Variants in CLEC16A observed in about 807,000 individuals in gnomAD.
CLEC16A encodes the protein C-type lectin domain containing 16A.
A neutral mutation model predicts 109.5 loss-of-function variants in CLEC16A; 51 were observed. The observed-to-expected ratio is 0.47, with a 90% CI of 0.37 to 0.59. The LOEUF (loss-of-function observed/expected upper bound fraction) is 0.59. Among genes scored for constraint, CLEC16A ranks in the 20% least tolerant of loss-of-function variants. CLEC16A has a pLI of 0.00. For synonymous variants in CLEC16A, 673 were observed against 564.2 expected (o/e 1.19, Z -2.73); for missense variants, 1,339 against 1,394.0 (o/e 0.96, Z 0.63).
intron 22 of CLEC16A, among the ~76,000 whole-genome samples, chr16:11,155,970 A>C (rs953319120): frequency 2.0e-5 from 3 of 152,182 alleles, no homozygotes; most frequent in Admixed American, 6.5e-5. Context: ...GGAGCAGGCC[A>C]AACATGTCAG....
intron 19 of CLEC16A, among the ~76,000 whole-genome samples, chr16:11,092,562 C>A (rs2050374839): frequency 6.6e-6 from 1 of 152,158 alleles, no homozygotes; most frequent in Non-Finnish European, 1.5e-5. Flanking sequence ...ACAAAAAAGC[C>A]CATGCTTAAA....
At chr16:11,077,537 G>A (rs1296237635) in intron 19 of CLEC16A, among the ~76,000 whole-genome samples, 1 of 150,248 alleles carries the variant, frequency 6.7e-6, no homozygotes, top group African/African-American at 2.5e-5. Flanking sequence ...TGTGCCTGTA[G>A]TTTCAGCTAC....
At chr16:11,127,910 T>C (rs2052942265) in intron 22 of CLEC16A, among the ~76,000 whole-genome samples, 1 of 152,170 alleles carries the variant, frequency 6.6e-6, no homozygotes, top group Non-Finnish European at 1.5e-5. Flanking sequence ...GAGAGACTGA[T>C]TGTGGCACCG....
intron 10 of CLEC16A, among the ~76,000 whole-genome samples, chr16:10,993,315 G>T (rs894900179): frequency 6.6e-6 from 1 of 152,122 alleles, no homozygotes; most frequent in Non-Finnish European, 1.5e-5. Flanking sequence ...GGAGGCGGAG[G>T]TTGCAGTGAG....
chr16:11,049,582 G>A (rs1354722631), intron 17 of CLEC16A, among the ~76,000 whole-genome samples: 1 of 152,202 alleles, frequency 6.6e-6, no homozygotes. Flanking sequence ...CCCTTGCTCT[G>A]TATCTGAAAA....
At chr16:11,053,807 C>T (rs1044069698) in intron 18 of CLEC16A, among the ~76,000 whole-genome samples, 4 of 152,238 alleles carry the variant, frequency 2.6e-5, no homozygotes, top group African/African-American at 7.2e-5. Flanking sequence ...TGATCCACTG[C>T]TTCCCACACT....
chr16:10,989,926 T>C (rs1263422135), intron 10 of CLEC16A, among the ~76,000 whole-genome samples: 1 of 152,204 alleles, frequency 6.6e-6, no homozygotes, highest in Non-Finnish European at 1.5e-5. Flanking sequence ...GTCTCCCGTG[T>C]GCTGAATGCA....
intron 11 of CLEC16A, 117 bp downstream of exon 11, chr16:11,003,422 T>G (rs969318354): frequency 5.2e-6 from 4 of 763,656 alleles, no homozygotes; most frequent in Non-Finnish European, 8.6e-6. Flanking sequence ...CAGCCAGTGA[T>G]TCGATTCCTA....
chr16:11,022,337 CTTTTTTTT>C lies in CLEC16A; in HGVS notation c.1436+2029_1436+2036del, dbSNP rs36094157. 3.5e-4 allele frequency among the ~76,000 whole-genome samples: 33 copies of C among 93,472 alleles called. 1 individual carries two copies. The highest frequency in any genetic ancestry group is 4.8e-4 in the Non-Finnish European group (24 of 50,228). 61.3% of individuals were successfully genotyped at this position (93,472 alleles called of 152,430 possible). A position where few individuals can be genotyped will look rare whatever the true frequency, so the allele number is the denominator to read the frequency against. Reference sequence around the variant, plus strand: ...GGCCAGAGTCACCATGTCTGGCTACCTTTTTTTTTTTTTTTTTTTTTTTTGCAAAGACA... The same window carrying C: ...GGCCAGAGTCACCATGTCTGGCTACCTTTTTTTTTTTTTTTTGCAAAGACA... On this transcript the variant is annotated intron_variant, in intron 12 of 23. Coordinates refer to ENST00000409790, the MANE Select transcript of CLEC16A (RefSeq NM_015226.3).
At chr16:11,056,908 G>A (rs1352020783) in intron 18 of CLEC16A, 1 of 152,050 alleles carries the variant, frequency 6.6e-6, no homozygotes, top group Non-Finnish European at 1.5e-5. Context: ...AGTTTTTCAT[G>A]TTGTCACAGT....
intron 13 of CLEC16A, chr16:11,035,966 G>A (rs1318632193): frequency 2.6e-5 from 4 of 152,356 alleles, no homozygotes; most frequent in African/African-American, 9.6e-5. Context: ...TTTGGGGAAA[G>A]AAGGGAGATG....
intron 19 of CLEC16A, among the ~76,000 whole-genome samples, chr16:11,094,730 C>T (rs878966322): frequency 1.3e-5 from 2 of 152,184 alleles, no homozygotes; most frequent in African/African-American, 4.8e-5. Flanking sequence ...CTGCCTCTGC[C>T]GTGTAGTTTC....
chr16:11,033,635 C>G (rs1447299066), intron 13 of CLEC16A, among the ~76,000 whole-genome samples: 1 of 152,106 alleles, frequency 6.6e-6, no homozygotes, highest in Admixed American at 6.5e-5. Context: ...CAGATCCTTA[C>G]CCCCCAAATC....
At chr16:11,027,254 T>C in intron 13 of CLEC16A, 20 of 1,544,920 alleles carry the variant, frequency 1.3e-5, no homozygotes, top group Non-Finnish European at 1.7e-5. Context: ...TGAAACCTCA[T>C]GCCGTGGAAT....
intron 22 of CLEC16A, among the ~76,000 whole-genome samples, chr16:11,156,276 A>C (rs2054513259): frequency 6.6e-6 from 1 of 151,326 alleles, no homozygotes; most frequent in African/African-American, 2.4e-5. Context: ...AGGCTGAGGC[A>C]GGAGAATCAC....
chr16:11,022,681 T>C (rs1046278372), intron 12 of CLEC16A, among the ~76,000 whole-genome samples: 28 of 152,058 alleles, frequency 1.8e-4, no homozygotes, highest in Middle Eastern at 6.8e-3. Flanking sequence ...GGGCAGATCA[T>C]GAGGTCAGGA....
chr16:11,129,224 A>G (rs1277904682), intron 22 of CLEC16A, among the ~76,000 whole-genome samples: 1 of 152,268 alleles, frequency 6.6e-6, no homozygotes, highest in African/African-American at 2.4e-5. Context: ...GATTATATTT[A>G]TAGATATTTA....
intron 22 of CLEC16A, among the ~76,000 whole-genome samples, chr16:11,128,412 G>T (rs1007375098): frequency 4.6e-5 from 7 of 152,212 alleles, no homozygotes; most frequent in African/African-American, 1.7e-4. Flanking sequence ...GATGCCCCAT[G>T]TCCTGTTGCT....
At chr16:11,164,534 AGAG>A (rs2054836716) in intron 22 of CLEC16A, among the ~76,000 whole-genome samples, 1 of 152,194 alleles carries the variant, frequency 6.6e-6, no homozygotes, top group African/African-American at 2.4e-5. Context: ...GGAAGTGAGC[AGAG>A]GAGGGTTAAA....
Sources: gnomAD v4.1 joint callset for allele counts (sites outside exome capture counted in the v4.1 genomes callset) on GRCh38, gnomAD v4.1.1 for gene constraint, MANE v1.5 for transcripts, NCBI Gene and HGNC (gene_info 2026-07-23, HGNC 2026-07-21) for gene names.